Variants in PDZD2 observed in about 807,000 individuals in gnomAD.
The protein encoded by PDZD2 is PDZ domain containing 2.
Under a neutral mutation model 220.7 loss-of-function variants are expected in PDZD2, and 90 were observed. The observed-to-expected ratio is 0.41, with a 90% confidence interval of 0.34 to 0.49. PDZD2 has a LOEUF of 0.49. Among genes scored for constraint, PDZD2 ranks in the 20% least tolerant of loss-of-function variants. PDZD2 has a pLI of 0.28. For synonymous variants in PDZD2, 1,375 were observed against 1,450.5 expected (o/e 0.95, Z 1.18); for missense variants, 3,174 against 3,608.5 (o/e 0.88, Z 3.08).
intron 1 of PDZD2, among the ~76,000 whole-genome samples, chr5:31,769,485 G>A (rs1231535152): frequency 3.9e-5 from 6 of 152,212 alleles, no homozygotes; most frequent in South Asian, 2.1e-4. Flanking sequence ...CAGATCAGAC[G>A]TTTTAAAAAT....
intron 1 of PDZD2, among the ~76,000 whole-genome samples, chr5:31,686,426 G>A (rs1678913): frequency 0.44 from 66,259 of 151,486 alleles, 14,961 homozygotes; most frequent in East Asian, 0.69. Context: ...GGGCAATGGC[G>A]TGATCTTGGC....
intron 1 of PDZD2, among the ~76,000 whole-genome samples, chr5:31,724,811 A>G (rs1749027702): frequency 6.6e-6 from 1 of 152,092 alleles, no homozygotes; most frequent in South Asian, 2.1e-4. Flanking sequence ...CTACCACCTC[A>G]CTTTTGTATC....
chr5:31,913,213 T>C (rs1581062852), intron 2 of PDZD2, among the ~76,000 whole-genome samples: 1 of 152,178 alleles, frequency 6.6e-6, no homozygotes, highest in East Asian at 1.9e-4. Context: ...TGGTGGCACA[T>C]GCCTGTAGTC....
intron 2 of PDZD2, among the ~76,000 whole-genome samples, chr5:31,884,685 T>C (rs1027624710): frequency 2.0e-5 from 3 of 152,122 alleles, no homozygotes; most frequent in African/African-American, 7.2e-5. Context: ...ATCTCCCAGG[T>C]TTAGGCGATT....
intron 24 of PDZD2, among the ~76,000 whole-genome samples, chr5:32,101,541 G>A (rs1037036998): frequency 1.3e-5 from 2 of 152,188 alleles, no homozygotes. Flanking sequence ...CAGAGCATCT[G>A]TCCCTGACCC....
chr5:32,083,034 C>G lies in PDZD2; in HGVS notation c.3683-4097C>G, dbSNP rs1742115235. On this transcript the variant is annotated intron_variant, in intron 19 of 24. Coordinates refer to ENST00000438447, the MANE Select transcript of PDZD2 (RefSeq NM_178140.4). The surrounding 1 kb of genome is among the most constrained non-coding windows in gnomAD (Gnocchi z 4.1). ...ACGGGATACATGTTTATTCTAGAAA[C>G]TTAAGAAATTACAATTGAGAGGGAA... Among the ~76,000 whole-genome samples, 1 of 152,076 alleles carries G rather than the reference C, an allele frequency of 6.6e-6. No homozygotes were observed. Among genetic ancestry groups the G allele is most frequent in the African/African-American group, 2.4e-5 (1 of 41,410 alleles).
rs565443334 is a variant in PDZD2, at chr5:31,737,896, C to T, written c.-360-60993C>T. Among the ~76,000 whole-genome samples, 33 of 152,276 alleles carry T rather than the reference C, an allele frequency of 2.2e-4. No homozygotes were observed. The South Asian group carries it at 6.4e-3, about 30-fold the overall frequency. On this transcript the variant is annotated intron_variant, in intron 1 of 24. Transcript: ENST00000438447. Reference sequence around the variant, plus strand: ...ATTATTTCATTAATTCTCATAAGAACCGTATGAAACAGACATTGCTACTAG... The same window carrying T: ...ATTATTTCATTAATTCTCATAAGAATCGTATGAAACAGACATTGCTACTAG...
At chr5:31,697,565 G>A (rs1157675563) in intron 1 of PDZD2, among the ~76,000 whole-genome samples, 1 of 152,238 alleles carries the variant, frequency 6.6e-6, no homozygotes, top group Non-Finnish European at 1.5e-5. Flanking sequence ...CTGTTGACAT[G>A]TCCTCATGTT....
chr5:31,957,590 A>T (rs1229788429), intron 2 of PDZD2, among the ~76,000 whole-genome samples: 3 of 152,220 alleles, frequency 2.0e-5, no homozygotes, highest in African/African-American at 7.2e-5. Flanking sequence ...CCCTCAGGTG[A>T]TCAACTCTAG....
intron 2 of PDZD2, among the ~76,000 whole-genome samples, chr5:31,969,749 A>AATT (rs1308165518): frequency 2.6e-5 from 4 of 152,132 alleles, no homozygotes; most frequent in African/African-American, 9.6e-5. Context: ...GAAACAGATG[A>AATT]ATTATATATG....
intron 1 of PDZD2, among the ~76,000 whole-genome samples, chr5:31,689,296 C>CAT: frequency 8.5e-6 from 1 of 117,812 alleles, no homozygotes; most frequent in Admixed American, 9.7e-5. Flanking sequence ...CATACATATA[C>CAT]ATATACACAT....
chr5:31,867,451 A>G (rs916333893), intron 2 of PDZD2, among the ~76,000 whole-genome samples: 1 of 152,192 alleles, frequency 6.6e-6, no homozygotes, highest in African/African-American at 2.4e-5. Context: ...CCTCATCTGC[A>G]GAAGAAGTGG....
intron 1 of PDZD2, among the ~76,000 whole-genome samples, chr5:31,656,993 T>A (rs895294369): frequency 6.6e-6 from 1 of 152,226 alleles, no homozygotes; most frequent in African/African-American, 2.4e-5. Context: ...AATGAAGTTC[T>A]TAACATCTTT....
chr5:31,692,476 G>C (rs1747184205), intron 1 of PDZD2, among the ~76,000 whole-genome samples: 1 of 152,260 alleles, frequency 6.6e-6, no homozygotes, highest in Non-Finnish European at 1.5e-5. Context: ...GGCAGAGGAG[G>C]TGCCGAGAGC....
chr5:31,940,070 T>C (rs1204258313), intron 2 of PDZD2, among the ~76,000 whole-genome samples: 3 of 152,190 alleles, frequency 2.0e-5, no homozygotes, highest in Admixed American at 2.0e-4. Flanking sequence ...CTTTTGTAGG[T>C]GATATAGTCT....
At chr5:31,945,518 T>C (rs1350421989) in intron 2 of PDZD2, among the ~76,000 whole-genome samples, 1 of 152,118 alleles carries the variant, frequency 6.6e-6, no homozygotes, top group Non-Finnish European at 1.5e-5. Context: ...TAAGGAATGT[T>C]CTAGGATTCT....
intron 2 of PDZD2, among the ~76,000 whole-genome samples, chr5:31,866,796 C>G (rs886393559): frequency 6.6e-6 from 1 of 152,156 alleles, no homozygotes; most frequent in African/African-American, 2.4e-5. Context: ...TTATCAGTGT[C>G]AGTTCATTCG....
intron 17 of PDZD2, among the ~76,000 whole-genome samples, chr5:32,072,802 G>A (rs1740886715): frequency 6.6e-6 from 1 of 152,178 alleles, no homozygotes; most frequent in Non-Finnish European, 1.5e-5. Context: ...ATAGTCAGGG[G>A]TGGATGGTGG....
At chr5:31,881,690 A>C (rs929784094) in intron 2 of PDZD2, among the ~76,000 whole-genome samples, 24 of 151,296 alleles carry the variant, frequency 1.6e-4, no homozygotes, top group African/African-American at 5.3e-4. Flanking sequence ...GCATATACAT[A>C]ATACAATACA....
Sources: allele counts gnomAD v4.1 joint callset (sites outside exome capture counted in the v4.1 genomes callset), GRCh38; gene constraint gnomAD v4.1.1; non-coding constraint Gnocchi (gnomAD v3.1); transcripts MANE v1.5; gene names NCBI Gene and HGNC (gene_info 2026-07-23, HGNC 2026-07-21).